ADGRL2: variants seen among roughly 807,000 people sequenced by gnomAD.
ADGRL2 encodes the protein calcium-independent alpha-latrotoxin receptor 2.
ADGRL2 carries 44 observed loss-of-function variants against 157.4 expected under a neutral mutation model. That is an observed-to-expected ratio of 0.28 (90% CI 0.22 to 0.36). The LOEUF (loss-of-function observed/expected upper bound fraction) is 0.36, where lower values mean the gene tolerates loss of function less well. Ranked by LOEUF, ADGRL2 falls within the 10% of genes least tolerant of loss-of-function variation. The pLI is 1.00. For synonymous variants in ADGRL2, 585 were observed against 624.7 expected (o/e 0.94, Z 0.95); for missense variants, 1,510 against 1,768.9 (o/e 0.85, Z 2.63).
At chr1:81,463,809 T>C (rs888657905) in intron 2 of ADGRL2, among the ~76,000 whole-genome samples, 12 of 152,236 alleles carry the variant, frequency 7.9e-5, no homozygotes, top group Non-Finnish European at 1.6e-4. Context: ...TTAAATTCTT[T>C]GCAGAAAAGT....
At chr1:81,745,056 A>C (rs1355187593) in intron 1 of ADGRL2, among the ~76,000 whole-genome samples, 1 of 152,184 alleles carries the variant, frequency 6.6e-6, no homozygotes, top group Admixed American at 6.6e-5. Flanking sequence ...ACTGCAAGTC[A>C]CCCAGTCATT....
At chr1:81,508,279 T>C (rs1451460900) in intron 2 of ADGRL2, among the ~76,000 whole-genome samples, 6 of 152,234 alleles carry the variant, frequency 3.9e-5, no homozygotes, top group African/African-American at 1.4e-4. Flanking sequence ...CTTCACTTTC[T>C]ATCTTACTGA....
At chr1:81,826,350 T>A (rs2091480234) in intron 1 of ADGRL2, among the ~76,000 whole-genome samples, 1 of 152,230 alleles carries the variant, frequency 6.6e-6, no homozygotes, top group Non-Finnish European at 1.5e-5. Flanking sequence ...AGGAGACTAA[T>A]AATGGAGTAG....
chr1:81,751,126 A>G (rs1035421727), intron 1 of ADGRL2, among the ~76,000 whole-genome samples: 4 of 152,218 alleles, frequency 2.6e-5, no homozygotes, highest in African/African-American at 9.6e-5. Flanking sequence ...GTCAGACAGA[A>G]GAGGATCATA....
intron 3 of ADGRL2, among the ~76,000 whole-genome samples, chr1:81,930,344 T>A (rs1423567032): frequency 6.6e-6 from 1 of 152,198 alleles, no homozygotes; most frequent in East Asian, 1.9e-4. Flanking sequence ...AATTTCCATA[T>A]ACTAGTATGT....
chr1:81,384,870 T>A (rs2076407677), intron 1 of ADGRL2, among the ~76,000 whole-genome samples: 1 of 152,226 alleles, frequency 6.6e-6, no homozygotes, highest in Admixed American at 6.5e-5. Context: ...TCACTTTAAG[T>A]ACAGAAGGTT....
At chr1:81,378,531 C>G (rs1027755849) in intron 1 of ADGRL2, among the ~76,000 whole-genome samples, 9 of 148,670 alleles carry the variant, frequency 6.1e-5, no homozygotes, top group Admixed American at 5.4e-4. Context: ...CTGCACTGCA[C>G]TCCAGCCTGG....
chr1:81,584,857 G>C (rs76920924), intron 3 of ADGRL2, among the ~76,000 whole-genome samples: 2,003 of 152,218 alleles, frequency 0.013, 15 homozygotes, highest in Middle Eastern at 0.031. Flanking sequence ...AAACTCTAGA[G>C]TTACCTGGTG....
intron 1 of ADGRL2, among the ~76,000 whole-genome samples, chr1:81,728,958 G>C (rs983384075): frequency 6.6e-6 from 1 of 152,042 alleles, no homozygotes; most frequent in African/African-American, 2.4e-5. Context: ...TTCAAATATG[G>C]GAGCAAAGAT....
intron 2 of ADGRL2, among the ~76,000 whole-genome samples, chr1:81,491,498 A>G (rs11163313): frequency 0.15 from 22,221 of 152,160 alleles, 3,010 homozygotes; most frequent in African/African-American, 0.36. Flanking sequence ...GAAGAGACAC[A>G]TAATTCTAGA....
rs1195264361 is a variant in ADGRL2 at position 81,408,690 on chromosome 1, A to G, written c.-301-36346A>G. ...AGGGTGTGCACGTTTACAAACGCAA[A>G]TTAATCTTTACCTGCCCAATGCACA... On this transcript the variant is annotated intron_variant, in intron 1 of 24. Coordinates refer to the ADGRL2 transcript ENST00000370721. Among the ~76,000 whole-genome samples, 5 of 131,462 alleles carry G rather than the reference A, an allele frequency of 3.8e-5. No individual in the cohort carries two copies. In the Admixed American group the frequency reaches 4.0e-4, roughly 11 times the overall value. The allele number at this position is 131,462 out of a possible 152,430, so 86.2% of individuals were successfully genotyped here.
chr1:81,591,206 G>A (rs973365443), intron 3 of ADGRL2, among the ~76,000 whole-genome samples: 2 of 152,192 alleles, frequency 1.3e-5, no homozygotes, highest in African/African-American at 4.8e-5. Context: ...CAAGAGAAAA[G>A]GGGGCTTACT....
intron 1 of ADGRL2, among the ~76,000 whole-genome samples, chr1:81,412,700 AT>A (rs2076967183): frequency 1.3e-5 from 2 of 152,216 alleles, no homozygotes; most frequent in Non-Finnish European, 2.9e-5. Flanking sequence ...TAATTGATAA[AT>A]ACTTGGTTGC....
At position 81,310,849 on chromosome 1, in the gene ADGRL2, G is replaced by GAA. The variant is rs34131503; in HGVS notation, c.-302+4354_-302+4355dup. On this transcript the variant is annotated intron_variant, in intron 1 of 24. Transcript: ENST00000370721. ...TTACTTGGTTGTTCTCTCCTTGAAA[G>GAA]AAAAAAAAAAAAAAAGGGAGGAGTG... 4.4e-4 allele frequency among the ~76,000 whole-genome samples: 56 copies of GAA among 128,024 alleles called. No homozygotes were observed. The East Asian group carries it at 4.5e-3, about 10-fold the overall frequency. 84.0% of individuals were successfully genotyped at this position (128,024 alleles called of 152,430 possible). A position where few individuals can be genotyped will look rare whatever the true frequency, so the allele number is the denominator to read the frequency against.
chr1:81,948,834 G>T (rs557337632), intron 6 of ADGRL2, among the ~76,000 whole-genome samples: 2 of 152,114 alleles, frequency 1.3e-5, no homozygotes, highest in Admixed American at 6.6e-5. Context: ...GAGGTAGAGG[G>T]GGGGAAAGGA....
intron 1 of ADGRL2, among the ~76,000 whole-genome samples, chr1:81,315,802 T>C (rs964311856): frequency 9.2e-5 from 14 of 152,032 alleles, no homozygotes; most frequent in African/African-American, 3.1e-4. Flanking sequence ...CTTTTTAAAA[T>C]ATGTCTGTCT....
intron 1 of ADGRL2, among the ~76,000 whole-genome samples, chr1:81,747,260 T>C (rs975034782): frequency 1.9e-4 from 29 of 148,940 alleles, no homozygotes; most frequent in Admixed American, 4.7e-4. Flanking sequence ...TGTGTATATA[T>C]GTATATGTGT....
At chr1:81,908,427 T>C (rs548282836) in intron 3 of ADGRL2, among the ~76,000 whole-genome samples, 239 of 152,322 alleles carry the variant, frequency 1.6e-3, no homozygotes, top group African/African-American at 5.6e-3. Flanking sequence ...GTTGGCTTGA[T>C]AGTTCATTTC....
At chr1:81,327,091 T>G (rs1038484800) in intron 1 of ADGRL2, among the ~76,000 whole-genome samples, 1 of 152,176 alleles carries the variant, frequency 6.6e-6, no homozygotes, top group Non-Finnish European at 1.5e-5. Context: ...CATACACTTA[T>G]GTCCTAAGAG....
Sources: allele counts gnomAD v4.1 joint callset (sites outside exome capture counted in the v4.1 genomes callset), GRCh38; gene constraint gnomAD v4.1.1; transcripts MANE v1.5; gene names NCBI Gene and HGNC (gene_info 2026-07-23, HGNC 2026-07-21).